NUP98: variants seen among roughly 807,000 people sequenced by gnomAD.
NUP98 encodes the protein nucleoporin 98 and 96 precursor.
A neutral mutation model predicts 191.9 loss-of-function variants in NUP98; 26 were observed. The observed-to-expected ratio is 0.14, with a 90% CI of 0.10 to 0.19. The LOEUF (loss-of-function observed/expected upper bound fraction) is 0.19, where lower values mean the gene tolerates loss of function less well. NUP98 is among the 10% of genes least tolerant of loss of function. The pLI, the probability that NUP98 is intolerant of heterozygous loss-of-function variation, is 1.00. For synonymous variants in NUP98, 808 were observed against 778.4 expected (o/e 1.04, Z -0.63); for missense variants, 1,941 against 2,178.8 (o/e 0.89, Z 2.17).
intron 1 of NUP98, among the ~76,000 whole-genome samples, chr11:3,791,669 C>T (rs1289264905): frequency 6.6e-6 from 1 of 151,022 alleles, no homozygotes; most frequent in African/African-American, 2.4e-5. Context: ...ATGATGAAAC[C>T]CTGTCTCTGC....
chr11:3,694,449 A>G (rs1209370674), intron 26 of NUP98, among the ~76,000 whole-genome samples: 1 of 150,140 alleles, frequency 6.7e-6, no homozygotes, highest in Non-Finnish European at 1.5e-5. Flanking sequence ...AAAAAAAAAA[A>G]GCTGCAGGGG....
At chr11:3,695,123 A>G (rs572015667) in intron 26 of NUP98, among the ~76,000 whole-genome samples, 29 of 152,304 alleles carry the variant, frequency 1.9e-4, no homozygotes, top group African/African-American at 6.3e-4. Flanking sequence ...AGATCACCCC[A>G]CTGTACTCCT....
intron 12 of NUP98, among the ~76,000 whole-genome samples, chr11:3,741,620 C>CA (rs1358532236): frequency 1.6e-4 from 24 of 148,658 alleles, no homozygotes; most frequent in Middle Eastern, 3.4e-3. Flanking sequence ...AACTCCGTCT[C>CA]AAAAAAAAAG....
chr11:3,716,284 TATCCAGTTTGCCAGC>T (rs2079177809), intron 18 of NUP98, among the ~76,000 whole-genome samples: 1 of 152,204 alleles, frequency 6.6e-6, no homozygotes. Context: ...TGTATGTGGA[TATCCAGTTTGCCAGC>T]ATCCTTTGTT....
intron 28 of NUP98, among the ~76,000 whole-genome samples, chr11:3,686,994 TG>T (rs996571596): frequency 6.6e-6 from 1 of 151,964 alleles, no homozygotes; most frequent in African/African-American, 2.4e-5. Flanking sequence ...ATAATAATAA[TG>T]ATGACTCAAT....
intron 1 of NUP98, among the ~76,000 whole-genome samples, chr11:3,794,141 T>A (rs61896922): frequency 0.051 from 7,714 of 152,132 alleles, 259 homozygotes; most frequent in Middle Eastern, 0.099. Context: ...TATCCTACAA[T>A]ATACAACAGA....
Position 3,719,486 on chromosome 11 carries a change from C to T in NUP98, c.2325G>A (p.Val775=). Residue 775 remains valine, a synonymous_variant, in exon 18 of 33, where the codon GTG becomes GTA. Transcript: ENST00000324932. ...NLTNLNLDDI[V]HIRRKEVVVY... ...CAACTACTTCTTTCCTCCGGATATG[C>T]ACAATATCATCCAAATTTAGATTTG... 6.3e-7 allele frequency: 1 copy of T among 1,594,958 alleles called. No homozygotes were observed. Among genetic ancestry groups the T allele is most frequent in the Admixed American group, 1.8e-5 (1 of 55,974 alleles).
intron 28 of NUP98, among the ~76,000 whole-genome samples, chr11:3,689,709 T>C (rs565745251): frequency 2.0e-5 from 3 of 152,120 alleles, no homozygotes; most frequent in African/African-American, 4.8e-5. Context: ...GATGCAATCA[T>C]GTCTCACTGC....
rs1015671663 is a variant in NUP98 at position 3,697,827 on chromosome 11, A to G, written c.4009+1255T>C. 7.1e-3 allele frequency among the ~76,000 whole-genome samples: 920 copies of G among 130,120 alleles called. 5 individuals are homozygous for G. Among genetic ancestry groups the G allele is most frequent in the African/African-American group, 0.025 (867 of 34,258 alleles). 85.4% of individuals were successfully genotyped at this position (130,120 alleles called of 152,430 possible). A position where few individuals can be genotyped will look rare whatever the true frequency, so the allele number is the denominator to read the frequency against. ...CACAGACAGACTCTGTCTTAAAAAA[A>G]AAAAAAAAAAAAAAAAAAGATTTAT... On this transcript the variant is annotated intron_variant, in intron 25 of 32. Coordinates refer to ENST00000324932, the MANE Select transcript of NUP98 (RefSeq NM_016320.5).
At chr11:3,746,294 A>AAACAACAAG (rs144936005) in intron 11 of NUP98, among the ~76,000 whole-genome samples, 1 of 93,086 alleles carries the variant, frequency 1.1e-5, no homozygotes, top group Non-Finnish European at 2.0e-5. Context: ...AAAAAAAAAA[A>AAACAACAAG]GACAGCTTTG....
intron 8 of NUP98, among the ~76,000 whole-genome samples, chr11:3,765,708 G>A (rs2081314790): frequency 6.6e-6 from 1 of 151,806 alleles, no homozygotes; most frequent in Admixed American, 6.6e-5. Context: ...GACCAAGGCA[G>A]GAGAATCGCT....
chr11:3,753,944 CAAATAAAAAT>C (rs1167342533), intron 10 of NUP98, among the ~76,000 whole-genome samples: 3 of 150,082 alleles, frequency 2.0e-5, no homozygotes, highest in African/African-American at 7.3e-5. Flanking sequence ...GTCTCGAAAA[CAAATAAAAAT>C]AAATAAATAA....
In NUP98 at chr11:3,731,403, G is replaced by A. The variant is rs773908625; in HGVS notation, c.1718C>T (p.Ala573Val). ...DDDEPSLANGAFMPKKSIKKL... is the reference protein window; with the variant it reads ...DDDEPSLANGVFMPKKSIKKL... ...AAAATAAACTCACTTGGGCATGAAT[G>A]CTCCATTGGCTAGGGATGGTTCATC... Residue 573 changes from alanine (A) to valine (V), a missense_variant, in exon 14 of 33, where the codon GCA (alanine) becomes GTA (valine). Transcript: ENST00000324932. 2.5e-6 allele frequency: 4 copies of A among 1,569,990 alleles called. No individual in the cohort carries two copies. The highest frequency in any genetic ancestry group is 1.7e-6 in the Non-Finnish European group (2 of 1,156,522).
intron 15 of NUP98, among the ~76,000 whole-genome samples, chr11:3,724,789 A>AAAAAAAAAAAAAAAAAAAAAAAAAAAG (rs1259105482): frequency 6.7e-6 from 1 of 150,362 alleles, no homozygotes; most frequent in African/African-American, 2.5e-5. Context: ...TCAAAAAAAA[A>AAAAAAAAAAAAAAAAAAAAAAAAAAAG]AAAGAAAGAA....
intron 8 of NUP98, among the ~76,000 whole-genome samples, chr11:3,767,510 T>G (rs1055912907): frequency 6.6e-6 from 1 of 151,350 alleles, no homozygotes; most frequent in African/African-American, 2.4e-5. Context: ...TTTTGTATTT[T>G]TAGCAGAGAC....
chr11:3,691,272 G>A, intron 28 of NUP98, 75 bp downstream of exon 28: 1 of 1,544,060 alleles, frequency 6.5e-7, no homozygotes, highest in Non-Finnish European at 8.9e-7. Context: ...CATATAAAAG[G>A]GAAAGGACGC....
At position 3,725,155 on chromosome 11, in the gene NUP98, G is replaced by A. The variant is rs758467022; in HGVS notation, c.1795C>T (p.Arg599Cys). The stretch of plus-strand genomic sequence containing the variant: ...GGTGAAGCTAGATTTTCTGAATCAC[G>A]ATTAACAGGAGAAAAGAGATTGCTA... ...NNSNLFSPVN[R>C]DSENLASPSE... Residue 599 changes from arginine (R) to cysteine (C), a missense_variant, in exon 15 of 33, where the codon CGT becomes TGT. By Grantham distance (180) the Arg-to-Cys change is radical. This residue lies in a region of NUP98 where 453 missense variants were observed against 438.2 expected (regional missense o/e 1.03). Coordinates refer to ENST00000324932, the MANE Select transcript of NUP98 (RefSeq NM_016320.5). 12 of 1,601,200 alleles carry A rather than the reference G, an allele frequency of 7.5e-6. No individual in the cohort carries two copies. Among genetic ancestry groups the A allele is most frequent in the East Asian group, 2.2e-5 (1 of 44,714 alleles).
chr11:3,701,446 G>C (rs1200148883), intron 23 of NUP98, among the ~76,000 whole-genome samples: 1 of 151,830 alleles, frequency 6.6e-6, no homozygotes, highest in Admixed American at 6.6e-5. Flanking sequence ...AATTTTAGTA[G>C]AGACAGGGTT....
rs937131338 is a variant in NUP98, at chr11:3,702,960, TAAC to T, written c.3083-71_3083-69del. 5.3e-6 allele frequency: 7 copies of T among 1,308,996 alleles called. No individual in the cohort carries two copies. The East Asian group carries it at 1.6e-4, about 31-fold the overall frequency. The allele number at this position is 1,308,996 out of a possible 1,614,324, so 81.1% of individuals were successfully genotyped here. A position where few individuals can be genotyped will look rare whatever the true frequency, so the allele number is the denominator to read the frequency against. On this transcript the variant is annotated intron_variant, in intron 22 of 32. Coordinates refer to ENST00000324932, the MANE Select transcript of NUP98 (RefSeq NM_016320.5). ...ACACAAGCTATTGTTTCTTGAACAA[TAAC>T]AAAAATCAGTAAGGCTGAAATCATT...
Sources: gnomAD v4.1 joint callset for allele counts (sites outside exome capture counted in the v4.1 genomes callset) on GRCh38, gnomAD v4.1.1 for gene constraint, gnomAD v4.1.1 regional missense constraint, MANE v1.5 for transcripts, NCBI Gene and HGNC (gene_info 2026-07-23, HGNC 2026-07-21) for gene names.